KIF17: variants seen among roughly 807,000 people sequenced by gnomAD.
KIF17 encodes the protein kinesin-like protein KIF17.
In KIF17, 80 loss-of-function variants were observed where a neutral mutation model predicts 96.8. The observed-to-expected ratio is 0.83, with a 90% CI of 0.69 to 1.00. KIF17 has a LOEUF of 1.00. Ranked by LOEUF, KIF17 falls within the 50% of genes least tolerant of loss-of-function variation. The pLI is 0.00. For missense variants in KIF17, 1,280 were observed against 1,372.9 expected (o/e 0.93, Z 1.07); for synonymous variants, 567 against 587.5 (o/e 0.97, Z 0.51).
At chr1:20,697,468 G>A (rs183476464) in intron 6 of KIF17, among the ~76,000 whole-genome samples, 8 of 152,208 alleles carry the variant, frequency 5.3e-5, no homozygotes, top group Admixed American at 3.9e-4. Context: ...TTAGCCAGGC[G>A]TTATGACATG....
intron 7 of KIF17, 141 bp from the exon 8 acceptor site, chr1:20,688,085 C>T (rs1187889666): frequency 2.1e-5 from 15 of 728,902 alleles, no homozygotes; most frequent in African/African-American, 1.3e-4. Flanking sequence ...CTTGCTCTGT[C>T]GCCCGGGCTG....
Position 20,674,017 on chromosome 1 carries a change from G to A in KIF17, c.2464-1821C>T, listed in dbSNP as rs545288268. On this transcript the variant is annotated intron_variant, in intron 11 of 14. Coordinates refer to ENST00000400463, the MANE Select transcript of KIF17 (RefSeq NM_001122819.3). ...CTTCTCAGCTCACTGTGGCCTCGAC[G>A]TTCTGGGCTCAAGCAATCTTCCCAC... Among the ~76,000 whole-genome samples, 417 of 151,678 alleles carry A rather than the reference G, an allele frequency of 2.7e-3. 3 individuals carry two copies. The highest frequency in any genetic ancestry group is 0.014 in the Middle Eastern group (4 of 290).
chr1:20,716,196 C>G (rs578008121), intron 1 of KIF17, among the ~76,000 whole-genome samples: 22 of 145,640 alleles, frequency 1.5e-4, no homozygotes, highest in African/African-American at 5.1e-4. Context: ...GAGCCGAGGT[C>G]GTGCCACTGC....
At chr1:20,708,256 G>GC (rs1292547412) in intron 4 of KIF17, among the ~76,000 whole-genome samples, 11 of 152,180 alleles carry the variant, frequency 7.2e-5, no homozygotes, top group Non-Finnish European at 1.5e-4. Flanking sequence ...ACCTAAGCAA[G>GC]CACTGGGGCT....
rs117580765 is a variant in KIF17, at chr1:20,702,118, A to G, written c.1123+2329T>C. 5.8e-4 allele frequency among the ~76,000 whole-genome samples: 89 copies of G among 152,196 alleles called. 1 individual carries two copies. The East Asian group carries it at 0.012, about 21-fold the overall frequency. ...GCCCACACATGCATGACCTCAGGCA[A>G]TTTTCCCAGTTGCCTCACAGCACAC... is the stretch of plus-strand genomic sequence containing the variant. On this transcript the variant is annotated intron_variant, in intron 5 of 14. Coordinates refer to ENST00000400463, the MANE Select transcript of KIF17 (RefSeq NM_001122819.3).
rs1365442648 is a variant in KIF17, at chr1:20,700,425, G to A, written c.1124-1937C>T. ...GGCAGGATCTGCTGACCAACTGGAT[G>A]TAGATTTGAGAGAACGTGAGAAGCC... On this transcript the variant is annotated intron_variant, in intron 5 of 14. Coordinates refer to ENST00000400463, the MANE Select transcript of KIF17 (RefSeq NM_001122819.3). The surrounding 1 kb of genome is among the most constrained non-coding windows in gnomAD (Gnocchi z 4.6). Among the ~76,000 whole-genome samples the A allele has an allele frequency of 1.3e-5, 2 of 152,192 alleles. No individual in the cohort carries two copies. Among genetic ancestry groups the A allele is most frequent in the Admixed American group, 1.3e-4 (2 of 15,276 alleles).
chr1:20,703,178 AATGG>A (rs1553151971), intron 5 of KIF17, among the ~76,000 whole-genome samples: 59 of 135,894 alleles, frequency 4.3e-4, no homozygotes, highest in Non-Finnish European at 7.2e-4. Context: ...TGGATGGATG[AATGG>A]ATGGACGGAT....
At chr1:20,692,666 T>G (rs1311601113) in intron 6 of KIF17, 3 of 152,206 alleles carry the variant, frequency 2.0e-5, no homozygotes, top group Non-Finnish European at 4.4e-5. Context: ...TGTGTGCTCA[T>G]GAATTTGTTT....
At chr1:20,679,600 C>T (rs762829636) in intron 11 of KIF17, among the ~76,000 whole-genome samples, 9 of 152,166 alleles carry the variant, frequency 5.9e-5, no homozygotes, top group African/African-American at 9.7e-5. Flanking sequence ...ACATTCCACG[C>T]GTGAGAGGGA....
At chr1:20,688,248 C>T (rs535062050) in intron 7 of KIF17, among the ~76,000 whole-genome samples, 1 of 152,144 alleles carries the variant, frequency 6.6e-6, no homozygotes, top group Non-Finnish European at 1.5e-5. Flanking sequence ...CAGGGTTTCA[C>T]CATGTTAGCC....
Position 20,690,345 on chromosome 1 carries a change from T to C in KIF17, c.1234-10A>G. 1 of 242,716 alleles carries C rather than the reference T, an allele frequency of 4.1e-6. No homozygotes were observed. The allele number at this position is 242,716 out of a possible 1,614,324, so 15.0% of individuals were successfully genotyped here. ...GGCGCTCTTCATACTCCTGGGGGGG[T>C]GGGAGGGACCAGAGGGCAGGCAGCA... On this transcript the variant is annotated splice_polypyrimidine_tract_variant and intron_variant, in intron 6 of 14. Transcript: ENST00000400463.
At chr1:20,706,106 A>G (rs1056321568) in intron 4 of KIF17, among the ~76,000 whole-genome samples, 48 of 150,584 alleles carry the variant, frequency 3.2e-4, no homozygotes, top group Admixed American at 7.3e-4. Context: ...CGGTGTCCCT[A>G]TGTTGCCCAG....
rs781275525 is a variant in KIF17, at chr1:20,664,765, G to A, written c.2909-3C>T. The A allele has an allele frequency of 6.2e-7, 1 of 1,611,734 alleles. No homozygotes were observed. The highest frequency in any genetic ancestry group is 8.5e-7 in the Non-Finnish European group (1 of 1,179,594). On this transcript the variant is annotated splice_region_variant and splice_polypyrimidine_tract_variant and intron_variant, in intron 14 of 14. Coordinates refer to ENST00000400463, the MANE Select transcript of KIF17 (RefSeq NM_001122819.3). ...GCCTGGTGGCGAGTTGTGATGTGCT[G>A]TGGGGAAGAGGGCAGAGGTGCTGGT...
Position 20,705,237 on chromosome 1 carries a change from C to T in KIF17, c.671-338G>A, listed in dbSNP as rs114918830. ...CTGCCACAGCAGCTCCCGAAGGCTT[C>T]CTGCAAGGTCAAGGTAGAGAAGGGC... On this transcript the variant is annotated intron_variant, in intron 4 of 14. Transcript: ENST00000400463. Among the ~76,000 whole-genome samples the T allele has an allele frequency of 1.6e-3, 243 of 152,318 alleles. 1 individual carries two copies. Among genetic ancestry groups the T allele is most frequent in the African/African-American group, 5.5e-3 (228 of 41,562 alleles).
At chr1:20,683,745 T>A (rs1425275225) in intron 10 of KIF17, among the ~76,000 whole-genome samples, 1 of 152,196 alleles carries the variant, frequency 6.6e-6, no homozygotes, top group Non-Finnish European at 1.5e-5. Flanking sequence ...GTCTTCCCTC[T>A]ATCTCCCCTG....
chr1:20,668,708 A>G (rs1362258430), intron 13 of KIF17, among the ~76,000 whole-genome samples: 2 of 152,194 alleles, frequency 1.3e-5, no homozygotes, highest in Non-Finnish European at 2.9e-5. Flanking sequence ...AGGCAGAATC[A>G]GCTAATTATG....
chr1:20,702,599 C>T (rs1232189545), intron 5 of KIF17, among the ~76,000 whole-genome samples: 2 of 152,194 alleles, frequency 1.3e-5, no homozygotes, highest in African/African-American at 4.8e-5. Context: ...CCTCCCATCA[C>T]CCCTATGCCC....
intron 6 of KIF17, among the ~76,000 whole-genome samples, chr1:20,696,255 T>A (rs1365903097): frequency 6.6e-6 from 1 of 152,028 alleles, no homozygotes; most frequent in Non-Finnish European, 1.5e-5. Context: ...TGAATGGTTC[T>A]GGAATACAAA....
At chr1:20,684,720 G>A (rs1570447659) in intron 10 of KIF17, 89 bp downstream of exon 10, 2 of 1,310,338 alleles carry the variant, frequency 1.5e-6, no homozygotes, top group Non-Finnish European at 1.1e-6. Context: ...GAGCTGGGAG[G>A]AAGCTATGGC....
Sources: gnomAD v4.1 joint callset for allele counts (sites outside exome capture counted in the v4.1 genomes callset) on GRCh38, gnomAD v4.1.1 for gene constraint, Gnocchi (gnomAD v3.1) non-coding constraint, MANE v1.5 for transcripts, NCBI Gene and HGNC (gene_info 2026-07-23, HGNC 2026-07-21) for gene names.